PTPRD: variants seen among roughly 807,000 people sequenced by gnomAD.
The protein encoded by PTPRD is receptor-type tyrosine-protein phosphatase delta.
In PTPRD, 34 loss-of-function variants were observed where a neutral mutation model predicts 214.5. The observed-to-expected ratio is 0.16, with a 90% CI of 0.12 to 0.21. The LOEUF (loss-of-function observed/expected upper bound fraction) is 0.21, where lower values mean the gene tolerates loss of function less well. Among genes scored for constraint, PTPRD ranks in the 10% least tolerant of loss-of-function variants. The probability of loss-of-function intolerance (pLI) is 1.00; values close to 1 mark genes in which losing one functional copy is unlikely to be tolerated. For synonymous variants in PTPRD, 1,128 were observed against 845.7 expected (o/e 1.33, Z -5.79); for missense variants, 2,545 against 2,398.7 (o/e 1.06, Z -1.27).
At position 9,117,211 on chromosome 9, in the gene PTPRD, G is replaced by T. The variant is rs530832216; in HGVS notation, c.-143+66093C>A. 3.0e-4 allele frequency among the ~76,000 whole-genome samples: 45 copies of T among 150,882 alleles called. 1 individual carries two copies. The South Asian group carries it at 9.4e-3, about 32-fold the overall frequency. The stretch of plus-strand genomic sequence containing the variant: ...GTATCTTTTTCCAGCAGAGAGCTCA[G>T]GAAATTAAGTTTTTTTTTTTTTTTG... On this transcript the variant is annotated intron_variant, in intron 10 of 45. Coordinates refer to ENST00000381196, the MANE Select transcript of PTPRD (RefSeq NM_002839.4).
At chr9:8,674,376 T>G (rs1005415657) in intron 12 of PTPRD, among the ~76,000 whole-genome samples, 4 of 143,852 alleles carry the variant, frequency 2.8e-5, no homozygotes, top group Admixed American at 1.5e-4. Context: ...GAGAATTGCT[T>G]GAACCCAGGA....
At chr9:9,047,292 T>C (rs561322468) in intron 10 of PTPRD, among the ~76,000 whole-genome samples, 1 of 152,168 alleles carries the variant, frequency 6.6e-6, no homozygotes, top group Non-Finnish European at 1.5e-5. Context: ...TGTTTATGGA[T>C]TGGAAGAATC....
At chr9:10,187,430 G>A (rs1234168896) in intron 3 of PTPRD, among the ~76,000 whole-genome samples, 1 of 152,100 alleles carries the variant, frequency 6.6e-6, no homozygotes, top group Non-Finnish European at 1.5e-5. Context: ...TTTGCACAAA[G>A]ACCTCTCAAC....
At chr9:8,842,080 A>G (rs539701047) in intron 11 of PTPRD, among the ~76,000 whole-genome samples, 28 of 152,128 alleles carry the variant, frequency 1.8e-4, no homozygotes, top group Non-Finnish European at 3.2e-4. Context: ...AACTTCTTGT[A>G]TAACAATGAG....
At chr9:8,576,631 C>CAAA (rs71317371) in intron 14 of PTPRD, among the ~76,000 whole-genome samples, 29,743 of 115,520 alleles carry the variant, frequency 0.26, 4,030 homozygotes, top group African/African-American at 0.4. Context: ...GCTAATGCAG[C>CAAA]AAAAAAAAAA....
At chr9:9,203,674 T>G (rs10118824) in intron 9 of PTPRD, among the ~76,000 whole-genome samples, 1 of 152,308 alleles carries the variant, frequency 6.6e-6, no homozygotes, top group Non-Finnish European at 1.5e-5. Context: ...CAGTCATATT[T>G]CCCAAAAAGT....
intron 8 of PTPRD, among the ~76,000 whole-genome samples, chr9:9,551,037 T>C (rs894081460): frequency 2.6e-5 from 4 of 151,948 alleles, no homozygotes; most frequent in Admixed American, 2.6e-4. Flanking sequence ...TGAAAATTTA[T>C]CATGCAAATT....
At chr9:8,424,354 T>A (rs1377775245) in intron 35 of PTPRD, among the ~76,000 whole-genome samples, 1 of 152,162 alleles carries the variant, frequency 6.6e-6, no homozygotes, top group Non-Finnish European at 1.5e-5. Flanking sequence ...CGGGTTCATA[T>A]CCTAGCTTTG....
chr9:8,317,831 A>G lies in PTPRD; in HGVS notation c.*43T>C, dbSNP rs2130436070. 1.9e-6 allele frequency: 3 copies of G among 1,573,574 alleles called. No individual in the cohort carries two copies. Among genetic ancestry groups the G allele is most frequent in the Non-Finnish European group, 2.6e-6 (3 of 1,144,150 alleles). On this transcript the variant is annotated 3_prime_UTR_variant, in exon 46 of 46. Coordinates refer to ENST00000381196, the MANE Select transcript of PTPRD (RefSeq NM_002839.4). ...ATGGCTCAGAAGAGACTCCATGGAT[A>G]TTGAAGGGCCTGTAGTAAAAATCCA...
At chr9:10,170,840 T>C (rs542812135) in intron 3 of PTPRD, among the ~76,000 whole-genome samples, 10 of 152,194 alleles carry the variant, frequency 6.6e-5, no homozygotes, top group Admixed American at 2.0e-4. Flanking sequence ...ATCACACTAA[T>C]AGACATTATG....
chr9:9,987,923 C>T (rs2095779492), intron 4 of PTPRD, among the ~76,000 whole-genome samples: 1 of 152,082 alleles, frequency 6.6e-6, no homozygotes, highest in Non-Finnish European at 1.5e-5. Flanking sequence ...TAATAAAATA[C>T]TATCAGGCAG....
intron 5 of PTPRD, among the ~76,000 whole-genome samples, chr9:9,913,970 G>A (rs576644006): frequency 1.3e-5 from 2 of 152,298 alleles, no homozygotes; most frequent in South Asian, 4.1e-4. Flanking sequence ...AATAGTGACT[G>A]AATGCTACAA....
At chr9:10,527,704 C>T (rs2054736354) in intron 2 of PTPRD, among the ~76,000 whole-genome samples, 1 of 152,116 alleles carries the variant, frequency 6.6e-6, no homozygotes, top group African/African-American at 2.4e-5. Flanking sequence ...AAGATTCACA[C>T]TGATAATTCC....
chr9:8,385,197 C>G (rs1021920135), intron 37 of PTPRD, among the ~76,000 whole-genome samples: 2 of 152,144 alleles, frequency 1.3e-5, no homozygotes, highest in Non-Finnish European at 2.9e-5. Flanking sequence ...TTAATACAAG[C>G]GCTGTTGATA....
chr9:8,663,142 G>A (rs1337526414), intron 12 of PTPRD, among the ~76,000 whole-genome samples: 1 of 151,448 alleles, frequency 6.6e-6, no homozygotes, highest in African/African-American at 2.4e-5. Flanking sequence ...CTTCCAACTG[G>A]TCTTTTGATT....
chr9:9,017,493 T>C (rs2099540983), intron 11 of PTPRD, among the ~76,000 whole-genome samples: 1 of 152,188 alleles, frequency 6.6e-6, no homozygotes, highest in African/African-American at 2.4e-5. Flanking sequence ...ATTTGAATTG[T>C]TTAACATATG....
At chr9:9,404,747 T>A (rs760572166) in intron 8 of PTPRD, among the ~76,000 whole-genome samples, 12 of 152,036 alleles carry the variant, frequency 7.9e-5, no homozygotes, top group Non-Finnish European at 1.8e-4. Flanking sequence ...AGAACATGTA[T>A]GAAGTCAAGG....
intron 35 of PTPRD, among the ~76,000 whole-genome samples, chr9:8,435,722 C>CAG (rs928729931): frequency 6.6e-6 from 1 of 152,074 alleles, no homozygotes; most frequent in Admixed American, 6.6e-5. Flanking sequence ...CACACACACA[C>CAG]ACACACACGC....
At chr9:9,961,912 A>C (rs1265086861) in intron 4 of PTPRD, among the ~76,000 whole-genome samples, 1 of 152,176 alleles carries the variant, frequency 6.6e-6, no homozygotes, top group Admixed American at 6.6e-5. Context: ...GAGGTTTAAG[A>C]TGATGAATAT....
Sources: gnomAD v4.1 joint callset for allele counts (sites outside exome capture counted in the v4.1 genomes callset) on GRCh38, gnomAD v4.1.1 for gene constraint, MANE v1.5 for transcripts, NCBI Gene and HGNC (gene_info 2026-07-23, HGNC 2026-07-21) for gene names.